The following HEMK2 variants were observed in gnomAD, a reference collection of about 807,000 sequenced individuals.
The protein encoded by HEMK2 is HemK methyltransferase 2, ETF1 glutamine and histone H4 lysine, also known as methyltransferase HEMK2.
At chr21:28,658,327 C>T in the HEMK2 span, among the ~76,000 whole-genome samples, 19 of 152,074 alleles carry the variant, frequency 1.2e-4, no homozygotes, top group African/African-American at 4.1e-4. Flanking sequence ...TAAAAATGCC[C>T]GAAACCAATA....
At chr21:28,872,605 T>C in the HEMK2 span, 1 of 152,198 alleles carries the variant, frequency 6.6e-6, no homozygotes, top group Non-Finnish European at 1.5e-5. Context: ...TACAAGAAAG[T>C]GGCTTACATG....
chr21:28,741,012 G>T, the HEMK2 span, among the ~76,000 whole-genome samples: 11 of 152,162 alleles, frequency 7.2e-5, no homozygotes, highest in African/African-American at 2.7e-4. Context: ...TACTTCCTAA[G>T]TTGGTTTCTG....
At chr21:28,715,892 T>C in the HEMK2 span, among the ~76,000 whole-genome samples, 1 of 152,212 alleles carries the variant, frequency 6.6e-6, no homozygotes, top group Non-Finnish European at 1.5e-5. Context: ...ATTGATTGAA[T>C]AGACAGTCCT....
chr21:28,833,385 C>G, the HEMK2 span, among the ~76,000 whole-genome samples: 1 of 152,206 alleles, frequency 6.6e-6, no homozygotes. Context: ...CCTAGAAGTA[C>G]TGTGCCCTAA....
At chr21:28,580,600 A>G in the HEMK2 span, among the ~76,000 whole-genome samples, 1 of 151,944 alleles carries the variant, frequency 6.6e-6, no homozygotes, top group Non-Finnish European at 1.5e-5. Flanking sequence ...AAGACAAAGC[A>G]ACAGCTTTAG....
chr21:28,622,181 A>T, the HEMK2 span, among the ~76,000 whole-genome samples: 2 of 152,322 alleles, frequency 1.3e-5, no homozygotes, highest in Non-Finnish European at 2.9e-5. Context: ...CCTATACACC[A>T]ATTACAGACA....
the HEMK2 span, chr21:28,674,756 T>C: frequency 1.3e-5 from 2 of 151,862 alleles, no homozygotes; most frequent in South Asian, 2.1e-4. Context: ...TTCTGGAAAC[T>C]GGGAAGTCCC....
the HEMK2 span, among the ~76,000 whole-genome samples, chr21:28,764,706 C>G: frequency 6.6e-6 from 1 of 152,054 alleles, no homozygotes; most frequent in Non-Finnish European, 1.5e-5. Flanking sequence ...TTTTTTATAA[C>G]TTAAGGCTGC....
the HEMK2 span, among the ~76,000 whole-genome samples, chr21:28,652,107 C>T: frequency 3.3e-5 from 5 of 152,146 alleles, no homozygotes; most frequent in African/African-American, 7.2e-5. Context: ...TATTTTTAGT[C>T]CCCTAAGATC....
At chr21:28,880,501 G>A in the HEMK2 span, among the ~76,000 whole-genome samples, 1,074 of 152,232 alleles carry the variant, frequency 7.1e-3, 9 homozygotes, top group African/African-American at 0.025. Flanking sequence ...GGAGGCCGAG[G>A]CGGGCGGATC....
chr21:28,844,297 C>T, the HEMK2 span, among the ~76,000 whole-genome samples: 1 of 151,982 alleles, frequency 6.6e-6, no homozygotes, highest in Non-Finnish European at 1.5e-5. Flanking sequence ...CTTTTTTCTC[C>T]ACTCTTCATA....
the HEMK2 span, among the ~76,000 whole-genome samples, chr21:28,782,464 C>T: frequency 0.012 from 1,783 of 152,230 alleles, 29 homozygotes; most frequent in African/African-American, 0.04. Flanking sequence ...AGTTCAGAAA[C>T]GTTAACTATA....
the HEMK2 span, among the ~76,000 whole-genome samples, chr21:28,707,240 G>GCT: frequency 3.9e-4 from 59 of 151,122 alleles, no homozygotes; most frequent in African/African-American, 1.4e-3. Flanking sequence ...AAACTTAGAA[G>GCT]AGTTGCACAA....
the HEMK2 span, among the ~76,000 whole-genome samples, chr21:28,702,369 G>C: frequency 4.0e-5 from 6 of 151,590 alleles, no homozygotes; most frequent in African/African-American, 1.5e-4. Context: ...CACAGCAAAA[G>C]AAACTATCAA....
chr21:28,803,576 A>C, the HEMK2 span, among the ~76,000 whole-genome samples: 1 of 152,174 alleles, frequency 6.6e-6, no homozygotes, highest in Non-Finnish European at 1.5e-5. Context: ...AAAATGCCAA[A>C]GAAGGAAATA....
chr21:28,824,216 T>C, the HEMK2 span, among the ~76,000 whole-genome samples: 4 of 152,324 alleles, frequency 2.6e-5, no homozygotes, highest in African/African-American at 9.6e-5. Context: ...TTGTTGCTGC[T>C]GTTGTTGTTG....
At chr21:28,632,342 T>G in the HEMK2 span, among the ~76,000 whole-genome samples, 1 of 152,232 alleles carries the variant, frequency 6.6e-6, no homozygotes, top group Non-Finnish European at 1.5e-5. Flanking sequence ...CTCCTAGCTT[T>G]TATCAGAGTA....
the HEMK2 span, among the ~76,000 whole-genome samples, chr21:28,664,349 G>A: frequency 5.3e-5 from 8 of 152,080 alleles, no homozygotes; most frequent in Admixed American, 5.2e-4. Context: ...TATAAATTGT[G>A]TCATATGTTT....
At chr21:28,653,351 T>C in the HEMK2 span, among the ~76,000 whole-genome samples, 3 of 152,088 alleles carry the variant, frequency 2.0e-5, no homozygotes. Context: ...GCAAGATCTC[T>C]CCCTTCAAAC....
Sources: allele counts gnomAD v4.1 joint callset (sites outside exome capture counted in the v4.1 genomes callset), GRCh38; gene constraint gnomAD v4.1.1; transcripts MANE v1.5; gene names NCBI Gene and HGNC (gene_info 2026-07-23, HGNC 2026-07-21).